GRM7: variants seen among roughly 807,000 people sequenced by gnomAD.
The protein encoded by GRM7 is metabotropic glutamate receptor 7.
In GRM7, 35 loss-of-function variants were observed where a neutral mutation model predicts 84.5. The ratio of observed to expected loss-of-function variants is 0.41; its 90% CI spans 0.32 to 0.55. The LOEUF (loss-of-function observed/expected upper bound fraction) is 0.55, where lower values mean the gene tolerates loss of function less well. Among genes scored for constraint, GRM7 ranks in the 20% least tolerant of loss-of-function variants. The pLI, the probability that GRM7 is intolerant of heterozygous loss-of-function variation, is 0.19. For synonymous variants in GRM7, 487 were observed against 455.1 expected (o/e 1.07, Z -0.89); for missense variants, 1,003 against 1,194.6 (o/e 0.84, Z 2.36).
intron 1 of GRM7, among the ~76,000 whole-genome samples, chr3:7,021,465 C>T (rs1298593265): frequency 1.3e-5 from 2 of 152,168 alleles, no homozygotes; most frequent in East Asian, 3.9e-4. Flanking sequence ...GAAAAGGTCA[C>T]TTATGTGGTA....
intron 8 of GRM7, among the ~76,000 whole-genome samples, chr3:7,644,176 A>G (rs1488679190): frequency 3.7e-5 from 1 of 27,144 alleles, no homozygotes; most frequent in Admixed American, 3.8e-4. Flanking sequence ...ATGTCTGTAC[A>G]TATATATATG....
chr3:6,976,077 A>C (rs1693981267), intron 1 of GRM7, among the ~76,000 whole-genome samples: 1 of 152,098 alleles, frequency 6.6e-6, no homozygotes, highest in Non-Finnish European at 1.5e-5. Context: ...CTGGTCTCTC[A>C]CTGAGCTTTC....
chr3:7,680,672 C>T (rs896902759), intron 9 of GRM7: 6 of 199,550 alleles, frequency 3.0e-5, no homozygotes, highest in East Asian at 1.4e-4. Flanking sequence ...TGAACTGTAT[C>T]GGTGGGAATT....
intron 6 of GRM7, among the ~76,000 whole-genome samples, chr3:7,457,906 A>AC (rs1319571478): frequency 1.3e-5 from 2 of 152,160 alleles, no homozygotes; most frequent in African/African-American, 4.8e-5. Flanking sequence ...ACATGAGTGG[A>AC]CCAGAGAGCT....
At chr3:7,603,914 C>T (rs1012296680) in intron 8 of GRM7, among the ~76,000 whole-genome samples, 1 of 152,084 alleles carries the variant, frequency 6.6e-6, no homozygotes, top group Non-Finnish European at 1.5e-5. Context: ...ATAAAGAACG[C>T]TGAAATGGAT....
chr3:7,577,722 T>C (rs1695033759), intron 7 of GRM7, among the ~76,000 whole-genome samples: 1 of 152,202 alleles, frequency 6.6e-6, no homozygotes, highest in Non-Finnish European at 1.5e-5. Context: ...CCAGACCATA[T>C]TATTTTCTTA....
chr3:7,250,901 A>G (rs964494826), intron 2 of GRM7, among the ~76,000 whole-genome samples: 21 of 152,066 alleles, frequency 1.4e-4, no homozygotes, highest in Non-Finnish European at 4.4e-5. Flanking sequence ...AAAAGTTGAG[A>G]GTAGATCTTG....
Position 7,613,263 on chromosome 3 carries a change from A to G in GRM7, c.2451+33906A>G, listed in dbSNP as rs75169423. ...TGAAAGTGTTTGGTTTATTTTATCAATAAGAGATTTCCCTCCATAGCTGTT... is the reference window on the plus strand; with the variant it reads ...TGAAAGTGTTTGGTTTATTTTATCAGTAAGAGATTTCCCTCCATAGCTGTT... On this transcript the variant is annotated intron_variant, in intron 8 of 9. Transcript: ENST00000357716. Among the ~76,000 whole-genome samples, 11 of 152,218 alleles carry G rather than the reference A, an allele frequency of 7.2e-5. No homozygotes were observed. In the East Asian group the frequency reaches 9.6e-4, roughly 13 times the overall value.
In GRM7 at chr3:6,927,992, C is replaced by T. The variant is rs778294720; in HGVS notation, c.519+66085C>T. Among the ~76,000 whole-genome samples, 111 of 152,150 alleles carry T rather than the reference C, an allele frequency of 7.3e-4. 1 individual carries two copies. Among genetic ancestry groups the T allele is most frequent in the Non-Finnish European group, 7.1e-4 (48 of 68,028 alleles). ...ATTTCTAAATATGTAATCACTAGGTCGCAAATCCACTTGTAACTCACATAG... is the reference window on the plus strand; with the variant it reads ...ATTTCTAAATATGTAATCACTAGGTTGCAAATCCACTTGTAACTCACATAG... On this transcript the variant is annotated intron_variant, in intron 1 of 9. Transcript: ENST00000357716.
At chr3:7,591,463 T>C (rs2125063579) in intron 8 of GRM7, 1 of 447,064 alleles carries the variant, frequency 2.2e-6, no homozygotes, top group South Asian at 1.6e-5. Flanking sequence ...AGAAGGGTAG[T>C]TTTATGCTGT....
intron 1 of GRM7, among the ~76,000 whole-genome samples, chr3:6,998,590 C>A (rs4686108): frequency 6.6e-6 from 1 of 152,156 alleles, no homozygotes; most frequent in African/African-American, 2.4e-5. Flanking sequence ...ATAAGTTCTC[C>A]CTGAGGGCTC....
intron 1 of GRM7, among the ~76,000 whole-genome samples, chr3:7,063,906 C>A (rs1323152228): frequency 6.6e-6 from 1 of 151,656 alleles, no homozygotes; most frequent in Non-Finnish European, 1.5e-5. Flanking sequence ...ATATAATAGG[C>A]AAATCTGGAA....
At chr3:7,173,188 C>G (rs912648949) in intron 2 of GRM7, among the ~76,000 whole-genome samples, 1 of 152,074 alleles carries the variant, frequency 6.6e-6, no homozygotes, top group Admixed American at 6.6e-5. Context: ...GTCACAATGC[C>G]CCTCTAAGGC....
At chr3:7,103,784 TTCTTTCTTTC>T (rs1334889043) in intron 1 of GRM7, among the ~76,000 whole-genome samples, 1 of 111,100 alleles carries the variant, frequency 9.0e-6, no homozygotes, top group Non-Finnish European at 1.7e-5. Flanking sequence ...CTTTCTTTCT[TTCTTTCTTTC>T]TTTCTTTCTT....
chr3:7,089,373 C>A (rs577743625), intron 1 of GRM7, among the ~76,000 whole-genome samples: 20 of 152,138 alleles, frequency 1.3e-4, no homozygotes, highest in Non-Finnish European at 2.6e-4. Context: ...TATCCAGTTT[C>A]TTTTAAGGCT....
chr3:6,922,023 T>C (rs1285874453), intron 1 of GRM7, among the ~76,000 whole-genome samples: 1 of 152,192 alleles, frequency 6.6e-6, no homozygotes, highest in Non-Finnish European at 1.5e-5. Flanking sequence ...CAGGAACAGG[T>C]TGGAGGGCCG....
intron 5 of GRM7, among the ~76,000 whole-genome samples, chr3:7,445,025 T>C (rs1206151744): frequency 1.3e-5 from 2 of 152,174 alleles, no homozygotes; most frequent in Admixed American, 1.3e-4. Flanking sequence ...TTCTGCGTTG[T>C]TTTCTTCCTT....
rs1516564 is a variant in GRM7, at chr3:6,864,292, T to C, written c.519+2385T>C. On this transcript the variant is annotated intron_variant, in intron 1 of 9. Transcript: ENST00000357716. ...CATGCAAGCTAGATAAAACAGTTGG[T>C]TTGTATGTGTCCTGGTTAATCACTG... Among the ~76,000 whole-genome samples, 373 of 152,212 alleles carry C rather than the reference T, an allele frequency of 2.5e-3. 4 individuals are homozygous for C. The highest frequency in any genetic ancestry group is 0.021 in the Admixed American group (328 of 15,292).
intron 4 of GRM7, among the ~76,000 whole-genome samples, chr3:7,398,418 G>A (rs563805442): frequency 2.0e-5 from 3 of 152,222 alleles, no homozygotes; most frequent in South Asian, 2.1e-4. Context: ...ACAGAAATTA[G>A]AGAAACAAAC....
Sources: gnomAD v4.1 joint callset for allele counts (sites outside exome capture counted in the v4.1 genomes callset) on GRCh38, gnomAD v4.1.1 for gene constraint, MANE v1.5 for transcripts, NCBI Gene and HGNC (gene_info 2026-07-23, HGNC 2026-07-21) for gene names.